Variants in SRPK2 observed in about 807,000 individuals in gnomAD.
SRPK2 encodes the protein SFRS protein kinase 2.
Under a neutral mutation model 90.8 loss-of-function variants are expected in SRPK2, and 21 were observed. That is an observed-to-expected ratio of 0.23 (90% CI 0.16 to 0.33). SRPK2 has a LOEUF of 0.33. Among genes scored for constraint, SRPK2 ranks in the 10% least tolerant of loss-of-function variants. SRPK2 has a pLI of 1.00. For synonymous variants in SRPK2, 288 were observed against 311.1 expected (o/e 0.93, Z 0.78); for missense variants, 620 against 869.0 (o/e 0.71, Z 3.60).
intron 2 of SRPK2, among the ~76,000 whole-genome samples, chr7:105,357,378 ATTCCT>A (rs1233657727): frequency 1.3e-5 from 2 of 152,184 alleles, no homozygotes; most frequent in Non-Finnish European, 1.5e-5. Flanking sequence ...GGAGTCCTCC[ATTCCT>A]TTCATCATGT....
At chr7:105,375,984 T>C (rs1406392547) in intron 2 of SRPK2, among the ~76,000 whole-genome samples, 1 of 39,058 alleles carries the variant, frequency 2.6e-5, no homozygotes, top group East Asian at 7.0e-4. Context: ...AATTCATTTC[T>C]TTTTTTTTTT....
intron 2 of SRPK2, among the ~76,000 whole-genome samples, chr7:105,305,325 A>G (rs1158515277): frequency 6.6e-6 from 1 of 152,160 alleles, no homozygotes; most frequent in East Asian, 1.9e-4. Context: ...GGGCACCTGT[A>G]ATCCCAGCTA....
chr7:105,221,544 C>A (rs1198185349), intron 2 of SRPK2, among the ~76,000 whole-genome samples: 1 of 152,156 alleles, frequency 6.6e-6, no homozygotes, highest in Non-Finnish European at 1.5e-5. Flanking sequence ...GCTACTTTGG[C>A]CCCAACCATA....
At chr7:105,239,797 C>T (rs1800579668) in intron 2 of SRPK2, among the ~76,000 whole-genome samples, 1 of 152,244 alleles carries the variant, frequency 6.6e-6, no homozygotes, top group Non-Finnish European at 1.5e-5. Context: ...AAAGCCAATT[C>T]TCTGAGCTTA....
intron 2 of SRPK2, among the ~76,000 whole-genome samples, chr7:105,240,709 T>C (rs1202765808): frequency 6.6e-6 from 1 of 152,156 alleles, no homozygotes; most frequent in East Asian, 1.9e-4. Flanking sequence ...AATGGGAAGA[T>C]CTACAGGTGA....
chr7:105,147,153 C>T (rs1376955577), intron 7 of SRPK2, among the ~76,000 whole-genome samples: 1 of 152,022 alleles, frequency 6.6e-6, no homozygotes, highest in African/African-American at 2.4e-5. Flanking sequence ...TAAAAATATG[C>T]TATATAACAC....
rs372873591 is a variant in SRPK2, at chr7:105,197,792, GT to G, written c.229+5835del. 4.6e-5 allele frequency among the ~76,000 whole-genome samples: 7 copies of G among 152,310 alleles called. No homozygotes were observed. The East Asian group carries it at 1.3e-3, about 29-fold the overall frequency. On this transcript the variant is annotated intron_variant, in intron 3 of 15. Transcript: ENST00000393651. Reference sequence around the variant, plus strand: ...AAATGCATTTCTAAGGAAATGACATGTTTTCATACCAAGTCAGACCACAGCT... The same window carrying G: ...AAATGCATTTCTAAGGAAATGACATGTTTCATACCAAGTCAGACCACAGCT...
At chr7:105,294,691 A>T (rs1235935394) in intron 2 of SRPK2, among the ~76,000 whole-genome samples, 2 of 151,892 alleles carry the variant, frequency 1.3e-5, no homozygotes, top group Non-Finnish European at 2.9e-5. Flanking sequence ...ATGCCTGGCT[A>T]ATTTTTCTAT....
chr7:105,222,369 CTT>C (rs939174043), intron 2 of SRPK2, among the ~76,000 whole-genome samples: 8 of 152,192 alleles, frequency 5.3e-5, no homozygotes, highest in Admixed American at 5.2e-4. Context: ...TAACTTGTAA[CTT>C]AATATTAACA....
At chr7:105,303,569 T>G (rs548543563) in intron 2 of SRPK2, among the ~76,000 whole-genome samples, 3 of 152,142 alleles carry the variant, frequency 2.0e-5, no homozygotes, top group Non-Finnish European at 4.4e-5. Flanking sequence ...ATTTTCATAT[T>G]CTTATATGAA....
intron 7 of SRPK2, among the ~76,000 whole-genome samples, chr7:105,149,103 A>G (rs574313217): frequency 1.2e-3 from 185 of 151,766 alleles, no homozygotes; most frequent in East Asian, 6.4e-3. Flanking sequence ...CTGTGCTGAG[A>G]TGGATTAGTA....
intron 2 of SRPK2, among the ~76,000 whole-genome samples, chr7:105,372,796 T>A (rs1170351104): frequency 1.3e-5 from 2 of 152,158 alleles, no homozygotes; most frequent in Non-Finnish European, 1.5e-5. Context: ...ATATTAAAAA[T>A]CTGTGAGTAC....
At chr7:105,138,648 A>C (rs1330579495) in intron 11 of SRPK2, among the ~76,000 whole-genome samples, 1 of 152,188 alleles carries the variant, frequency 6.6e-6, no homozygotes, top group Non-Finnish European at 1.5e-5. Context: ...CCAAAAATAT[A>C]AAAGTTGACC....
Position 105,302,021 on chromosome 7 carries a change from C to A in SRPK2, c.71+86627G>T, listed in dbSNP as rs1375702680. The A allele has an allele frequency of 4.4e-6, 7 of 1,581,154 alleles. No homozygotes were observed. The East Asian group carries it at 1.1e-4, about 25-fold the overall frequency. ...AACAGATCACAAAGGAGAACTTCCTCGAGGCTGGAACTGGGTTGATGTTGT... is the reference window on the plus strand; with the variant it reads ...AACAGATCACAAAGGAGAACTTCCTAGAGGCTGGAACTGGGTTGATGTTGT... On this transcript the variant is annotated intron_variant, in intron 2 of 15. Coordinates refer to ENST00000393651, the MANE Select transcript of SRPK2 (RefSeq NM_182692.3).
At chr7:105,387,898 C>A (rs1490444964) in intron 2 of SRPK2, among the ~76,000 whole-genome samples, 1 of 152,192 alleles carries the variant, frequency 6.6e-6, no homozygotes, top group Non-Finnish European at 1.5e-5. Context: ...AGCGGCCAGG[C>A]TGGAGGTGGC....
At chr7:105,256,942 A>G (rs887562717) in intron 2 of SRPK2, among the ~76,000 whole-genome samples, 19 of 152,222 alleles carry the variant, frequency 1.2e-4, no homozygotes, top group Admixed American at 2.6e-4. Flanking sequence ...TGCAATTATT[A>G]GTTATGTGCA....
chr7:105,342,273 G>A (rs796784088), intron 2 of SRPK2, among the ~76,000 whole-genome samples: 7 of 151,494 alleles, frequency 4.6e-5, no homozygotes, highest in African/African-American at 1.5e-4. Flanking sequence ...GCGGTGAGCC[G>A]AGATCGCACC....
chr7:105,335,483 G>C (rs570215356), intron 2 of SRPK2, among the ~76,000 whole-genome samples: 3 of 151,646 alleles, frequency 2.0e-5, no homozygotes, highest in Admixed American at 2.0e-4. Context: ...AATACAGTGA[G>C]ACCTCATTTC....
intron 2 of SRPK2, among the ~76,000 whole-genome samples, chr7:105,259,368 G>A (rs564040619): frequency 6.6e-6 from 1 of 152,228 alleles, no homozygotes; most frequent in African/African-American, 2.4e-5. Flanking sequence ...AATCACTGCT[G>A]AATGAAATAA....
Sources: allele counts gnomAD v4.1 joint callset (sites outside exome capture counted in the v4.1 genomes callset), GRCh38; gene constraint gnomAD v4.1.1; transcripts MANE v1.5; gene names NCBI Gene and HGNC (gene_info 2026-07-23, HGNC 2026-07-21).